SNRK: variants seen among roughly 807,000 people sequenced by gnomAD.
SNRK encodes the protein SNF related kinase, also known as SNF-related serine/threonine-protein kinase.
SNRK carries 3 observed loss-of-function variants against 48.2 expected under a neutral mutation model. The ratio of observed to expected loss-of-function variants is 0.06; its 90% confidence interval spans 0.03 to 0.16. The LOEUF is 0.16. Ranked by LOEUF, SNRK falls within the 10% of genes least tolerant of loss-of-function variation. SNRK has a pLI of 1.00. For missense variants in SNRK, 627 were observed against 976.0 expected (o/e 0.64, Z 4.76); for synonymous variants, 376 against 366.1 (o/e 1.03, Z -0.31).
chr3:43,347,856 G>A lies in SNRK; in HGVS notation c.1597G>A (p.Gly533Ser). 2 of 1,614,204 alleles carry A rather than the reference G, an allele frequency of 1.2e-6. No individual in the cohort carries two copies. Among genetic ancestry groups the A allele is most frequent in the Non-Finnish European group, 1.7e-6 (2 of 1,180,036 alleles). Reference protein sequence around the residue: ...HKRYHRRKSQGRGSSCSSSET... With the variant: ...HKRYHRRKSQSRGSSCSSSET... ...ACGCTACCACCGGAGGAAAAGTCAG[G>A]GCCGGGGCTCCAGCTGCAGTAGTTC... Residue 533 changes from glycine (G) to serine (S), a missense_variant, in exon 7 of 7, where the codon GGC (glycine) becomes AGC (serine). Coordinates refer to ENST00000296088, the MANE Select transcript of SNRK (RefSeq NM_017719.5). The surrounding 1 kb of genome is among the most constrained non-coding windows in gnomAD (Gnocchi z 5.4).
chr3:43,325,815 C>T (rs546944785), intron 3 of SNRK, among the ~76,000 whole-genome samples: 1 of 152,206 alleles, frequency 6.6e-6, no homozygotes, highest in East Asian at 1.9e-4. Flanking sequence ...CAATGGGTCC[C>T]CCCTTGGATG....
intron 3 of SNRK, among the ~76,000 whole-genome samples, chr3:43,328,846 T>C (rs527730538): frequency 6.6e-6 from 1 of 152,296 alleles, no homozygotes; most frequent in South Asian, 2.1e-4. Context: ...CTTGGGAGGC[T>C]TGTAAGGGCA....
chr3:43,328,810 A>G (rs934947645), intron 3 of SNRK, among the ~76,000 whole-genome samples: 1 of 152,050 alleles, frequency 6.6e-6, no homozygotes, highest in South Asian at 2.1e-4. Flanking sequence ...CTGTTTCACT[A>G]ATTTCCACTG....
At chr3:43,313,759 C>A (rs548605635) in intron 3 of SNRK, among the ~76,000 whole-genome samples, 6 of 152,304 alleles carry the variant, frequency 3.9e-5, no homozygotes, top group African/African-American at 1.2e-4. Context: ...TGTATTTAAG[C>A]ACAATGTTAC....
rs975127297 is a variant in SNRK, at chr3:43,348,971, C to G, written c.*414C>G. On this transcript the variant is annotated 3_prime_UTR_variant, in exon 7 of 7. Transcript: ENST00000296088. Reference sequence around the variant, plus strand: ...AACCCTAGGCTCTGAGACACACTCTCTGGTGTCTGAGACAGAACCAAAGCA... The same window carrying G: ...AACCCTAGGCTCTGAGACACACTCTGTGGTGTCTGAGACAGAACCAAAGCA... 1 of 156,002 alleles carries G rather than the reference C, an allele frequency of 6.4e-6. No individual in the cohort carries two copies. The highest frequency in any genetic ancestry group is 1.4e-5 in the Non-Finnish European group (1 of 70,288). 9.7% of individuals were successfully genotyped at this position (156,002 alleles called of 1,614,324 possible).
chr3:43,309,092 G>A (rs2090959199), intron 3 of SNRK, among the ~76,000 whole-genome samples: 1 of 152,184 alleles, frequency 6.6e-6, no homozygotes, highest in Admixed American at 6.5e-5. Context: ...AATTGCTGCA[G>A]TCTCTTGATA....
At chr3:43,319,878 G>T (rs768356308) in intron 3 of SNRK, among the ~76,000 whole-genome samples, 4 of 152,140 alleles carry the variant, frequency 2.6e-5, no homozygotes, top group Non-Finnish European at 4.4e-5. Flanking sequence ...CCCAGTGAAA[G>T]CTGTGATTCC....
At chr3:43,316,995 A>G (rs1310204834) in intron 3 of SNRK, among the ~76,000 whole-genome samples, 4 of 152,168 alleles carry the variant, frequency 2.6e-5, no homozygotes, top group Non-Finnish European at 5.9e-5. Context: ...GCTTTTAACT[A>G]GAAAGGGGTT....
At chr3:43,305,651 T>A (rs969755560) in intron 3 of SNRK, among the ~76,000 whole-genome samples, 1 of 149,656 alleles carries the variant, frequency 6.7e-6, no homozygotes, top group South Asian at 2.1e-4. Flanking sequence ...GCCTAGCTAA[T>A]TTTTTTTTTA....
intron 1 of SNRK, among the ~76,000 whole-genome samples, chr3:43,293,064 G>C (rs907160629): frequency 1.3e-5 from 2 of 152,110 alleles, no homozygotes; most frequent in African/African-American, 4.8e-5. Flanking sequence ...TAGTGTTTCT[G>C]TTATTCAGAC....
At chr3:43,335,007 C>T (rs1480350442) in intron 4 of SNRK, among the ~76,000 whole-genome samples, 1 of 151,528 alleles carries the variant, frequency 6.6e-6, no homozygotes, top group Non-Finnish European at 1.5e-5. Context: ...ATCAGTTTTG[C>T]CAGAAGTTTG....
chr3:43,328,809 T>G lies in SNRK; in HGVS notation c.590-3360T>G, dbSNP rs1470425142. On this transcript the variant is annotated intron_variant, in intron 3 of 6. Coordinates refer to ENST00000296088, the MANE Select transcript of SNRK (RefSeq NM_017719.5). ...TGTCTGTTTCCCACATCTGTTTCAC[T>G]AATTTCCACTGGAGCATCCTTAGTG... 2.6e-5 allele frequency among the ~76,000 whole-genome samples: 4 copies of G among 152,178 alleles called. No individual in the cohort carries two copies. The East Asian group carries it at 7.7e-4, about 29-fold the overall frequency.
At chr3:43,310,174 A>T (rs2090969251) in intron 3 of SNRK, among the ~76,000 whole-genome samples, 1 of 151,516 alleles carries the variant, frequency 6.6e-6, no homozygotes, top group Admixed American at 6.6e-5. Flanking sequence ...GAATAGGTGG[A>T]TTTAATTTAT....
intron 6 of SNRK, among the ~76,000 whole-genome samples, chr3:43,344,549 T>A (rs573701017): frequency 1.3e-5 from 2 of 152,272 alleles, no homozygotes; most frequent in Admixed American, 1.3e-4. Flanking sequence ...TTGGGTGGAA[T>A]GGCAGAGTAG....
chr3:43,348,799 G>T lies in SNRK; in HGVS notation c.*242G>T, dbSNP rs1457516346. The T allele has an allele frequency of 7.9e-6, 3 of 379,900 alleles. No homozygotes were observed. The highest frequency in any genetic ancestry group is 1.4e-5 in the Non-Finnish European group (3 of 214,430). The allele number at this position is 379,900 out of a possible 1,614,324, so 23.5% of individuals were successfully genotyped here. A position where few individuals can be genotyped will look rare whatever the true frequency, so the allele number is the denominator to read the frequency against. On this transcript the variant is annotated 3_prime_UTR_variant, in exon 7 of 7. Transcript: ENST00000296088. ...TTACATTCATAATTTTAATGTGGAT[G>T]ATCAGGATTAAATCAAGATATATAT... is the stretch of plus-strand genomic sequence containing the variant.
At chr3:43,322,776 C>G (rs2091063685) in intron 3 of SNRK, among the ~76,000 whole-genome samples, 1 of 151,716 alleles carries the variant, frequency 6.6e-6, no homozygotes, top group Non-Finnish European at 1.5e-5. Context: ...CATGGTGAAA[C>G]CCCGTCTCTA....
rs868294819 is a variant in SNRK at position 43,322,335 on chromosome 3, A to G, written c.590-9834A>G. Among the ~76,000 whole-genome samples, 3 of 152,270 alleles carry G rather than the reference A, an allele frequency of 2.0e-5. No homozygotes were observed. In the South Asian group the frequency reaches 6.2e-4, roughly 31 times the overall value. ...ATGTGAATAATTAAGAACAAAGTGA[A>G]TATTCATATGATCTTGACCTTTCTA... On this transcript the variant is annotated intron_variant, in intron 3 of 6. Transcript: ENST00000296088.
In SNRK at chr3:43,347,301, T is replaced by C. The variant is rs767819798; in HGVS notation, c.1080-38T>C. ...ACTTTACTATCATCTGCATAATGATTATATGGCTTTTTTCCCCCCAATCTA... is the reference window on the plus strand; with the variant it reads ...ACTTTACTATCATCTGCATAATGATCATATGGCTTTTTTCCCCCCAATCTA... On this transcript the variant is annotated intron_variant, in intron 6 of 6. Transcript: ENST00000296088. The surrounding 1 kb of genome is among the most constrained non-coding windows in gnomAD (Gnocchi z 5.4). 4.9e-5 allele frequency: 75 copies of C among 1,518,670 alleles called. No individual in the cohort carries two copies. The highest frequency in any genetic ancestry group is 3.8e-5 in the Non-Finnish European group (43 of 1,134,764). 94.1% of individuals were successfully genotyped at this position (1,518,670 alleles called of 1,614,324 possible).
chr3:43,293,858 G>A (rs564946785), intron 1 of SNRK, among the ~76,000 whole-genome samples: 30 of 152,164 alleles, frequency 2.0e-4, no homozygotes, highest in African/African-American at 7.0e-4. Flanking sequence ...GGTTGAGGTT[G>A]CATTGAGCCA....
Sources: allele counts gnomAD v4.1 joint callset (sites outside exome capture counted in the v4.1 genomes callset), GRCh38; gene constraint gnomAD v4.1.1; non-coding constraint Gnocchi (gnomAD v3.1); transcripts MANE v1.5; gene names NCBI Gene and HGNC (gene_info 2026-07-23, HGNC 2026-07-21).